COL21A1: variants seen among roughly 807,000 people sequenced by gnomAD.
The protein encoded by COL21A1 is collagen alpha-1(XXI) chain.
COL21A1 carries 149 observed loss-of-function variants against 137.9 expected under a neutral mutation model. The observed-to-expected ratio is 1.08, with a 90% CI of 0.95 to 1.24. The LOEUF is 1.24. COL21A1 is among the 50% of genes most tolerant of loss of function. COL21A1 has a pLI of 0.00. For synonymous variants in COL21A1, 456 were observed against 391.5 expected, an observed-to-expected ratio of 1.16 and a Z score of -1.95; for missense variants, 1,167 against 1,158.4, an observed-to-expected ratio of 1.01 and a Z score of -0.11.
chr6:56,064,378 G>A (rs961690894), intron 24 of COL21A1, among the ~76,000 whole-genome samples, 200 bp downstream of exon 24: 4 of 151,948 alleles, frequency 2.6e-5, no homozygotes, highest in African/African-American at 4.8e-5. Flanking sequence ...TTATCAGTAT[G>A]GGAAAGTGAA....
chr6:56,171,116 G>A lies in COL21A1; in HGVS notation c.653C>T (p.Pro218Leu). The change falls in exon 4 of 30, where the codon CCA (proline) becomes CTA (leucine). Residue 218 changes from proline to leucine, a missense_variant. Pro to Leu is a moderately conservative substitution (Grantham distance 98, BLOSUM62 -3). Coordinates refer to ENST00000244728, the MANE Select transcript of COL21A1 (RefSeq NM_030820.4). ...ACGAGCTGCCACTGGAATTCGTGTT[G>A]GACAGACAGATTCTATAAAGCAAAA... ...KQKLCEESVC[P>L]TRIPVAARDE... 6.3e-7 allele frequency: 1 copy of A among 1,595,386 alleles called. No homozygotes were observed. Among genetic ancestry groups the A allele is most frequent in the Non-Finnish European group, 8.5e-7 (1 of 1,173,222 alleles).
chr6:56,057,905 C>T, intron 29 of COL21A1, 61 bp from the exon 30 acceptor site: 1 of 1,118,334 alleles, frequency 8.9e-7, no homozygotes. Context: ...ATGAAATAGC[C>T]AATTCTGCAA....
intron 16 of COL21A1, among the ~76,000 whole-genome samples, chr6:56,114,575 CTCA>C (rs1298945757): frequency 1.3e-5 from 2 of 152,000 alleles, no homozygotes; most frequent in Admixed American, 6.6e-5. Context: ...TGAAAAAATG[CTCA>C]TCATCACTGG....
chr6:56,135,977 A>C (rs1465503124), intron 12 of COL21A1, among the ~76,000 whole-genome samples: 1 of 152,158 alleles, frequency 6.6e-6, no homozygotes, highest in Non-Finnish European at 1.5e-5. Context: ...TTCTCGGTAC[A>C]ACTACTATTT....
Position 56,343,130 on chromosome 6 carries a change from T to C in COL21A1, c.-39+50841A>G, listed in dbSNP as rs1248464512. On this transcript the variant is annotated intron_variant, in intron 1 of 28. Coordinates refer to the COL21A1 transcript ENST00000370819. ...CATTCCTGGGGACCCATCTGTAAAA[T>C]ACCCCAAGGTTTAGAGGAAAGATTT... Among the ~76,000 whole-genome samples, 3 of 152,144 alleles carry C rather than the reference T, an allele frequency of 2.0e-5. No homozygotes were observed. The East Asian group carries it at 5.8e-4, about 29-fold the overall frequency.
intron 1 of COL21A1, among the ~76,000 whole-genome samples, chr6:56,286,161 A>T (rs1763908189): frequency 6.6e-6 from 1 of 152,234 alleles, no homozygotes; most frequent in Non-Finnish European, 1.5e-5. Flanking sequence ...CAAGGTTTAA[A>T]CAGGGCAAAT....
At chr6:56,194,764 A>G (rs1480460474) in intron 1 of COL21A1, among the ~76,000 whole-genome samples, 1 of 152,190 alleles carries the variant, frequency 6.6e-6, no homozygotes, top group Non-Finnish European at 1.5e-5. Context: ...ATTAAAATGT[A>G]GATACTGATT....
In COL21A1 at chr6:56,147,751, A is replaced by T. The variant is rs1385752364; in HGVS notation, c.1435-5768T>A. On this transcript the variant is annotated intron_variant, in intron 10 of 29. Transcript: ENST00000244728. ...TGACATGTGAGATAAACATGGAATA[A>T]TCTACATACGACTTTCACAGAAGGA... Among the ~76,000 whole-genome samples the T allele has an allele frequency of 2.0e-5, 3 of 152,158 alleles. No homozygotes were observed. In the East Asian group the frequency reaches 5.8e-4, roughly 29 times the overall value.
chr6:56,389,683 C>A (rs2094025344), intron 1 of COL21A1, among the ~76,000 whole-genome samples: 1 of 152,096 alleles, frequency 6.6e-6, no homozygotes, highest in African/African-American at 2.4e-5. Context: ...CTAAAAGCAA[C>A]AACAGAAAAT....
intron 1 of COL21A1, among the ~76,000 whole-genome samples, chr6:56,200,445 T>TCCCTCCC (rs1287541134): frequency 1.0e-4 from 11 of 107,462 alleles, no homozygotes; most frequent in African/African-American, 4.0e-4. Flanking sequence ...CCTAATGCTA[T>TCCCTCCC]CCCTCCCCCC....
At chr6:56,307,868 C>T (rs1423143654) in intron 1 of COL21A1, among the ~76,000 whole-genome samples, 1 of 152,116 alleles carries the variant, frequency 6.6e-6, no homozygotes, top group Admixed American at 6.5e-5. Context: ...TTGGCTCCAC[C>T]CCCTCTTTAA....
intron 1 of COL21A1, among the ~76,000 whole-genome samples, chr6:56,276,240 C>T (rs1012765668): frequency 1.2e-4 from 19 of 152,022 alleles, no homozygotes; most frequent in Non-Finnish European, 2.4e-4. Flanking sequence ...AACATGAGTA[C>T]GGGTTGAAAA....
chr6:56,343,574 T>C (rs922706336), intron 1 of COL21A1, among the ~76,000 whole-genome samples: 14 of 152,214 alleles, frequency 9.2e-5, no homozygotes, highest in Non-Finnish European at 1.9e-4. Context: ...TTTGCTGGGA[T>C]AGAGCTAGAA....
chr6:56,230,225 G>T (rs952767918), intron 1 of COL21A1, among the ~76,000 whole-genome samples: 1 of 151,836 alleles, frequency 6.6e-6, no homozygotes, highest in Non-Finnish European at 1.5e-5. Context: ...GGTTTTTCTA[G>T]TCCAGTGTCC....
chr6:56,280,737 G>A (rs1402089192), intron 1 of COL21A1, among the ~76,000 whole-genome samples: 1 of 152,152 alleles, frequency 6.6e-6, no homozygotes, highest in African/African-American at 2.4e-5. Flanking sequence ...CCCTGGCTGG[G>A]CACAGTGGCT....
intron 1 of COL21A1, among the ~76,000 whole-genome samples, chr6:56,199,332 T>A (rs927098138): frequency 6.6e-6 from 1 of 152,024 alleles, no homozygotes; most frequent in Non-Finnish European, 1.5e-5. Context: ...CATAAATAAT[T>A]CTTAATGGGT....
chr6:56,132,945 T>C (rs570772743), intron 12 of COL21A1, among the ~76,000 whole-genome samples: 78 of 152,320 alleles, frequency 5.1e-4, no homozygotes, highest in Middle Eastern at 3.4e-3. Flanking sequence ...CACATGAAAC[T>C]GTCAGTCCAT....
intron 2 of COL21A1, 31 bp downstream of exon 2, chr6:56,182,500 A>T (rs1467946030): frequency 1.4e-6 from 2 of 1,419,106 alleles, no homozygotes; most frequent in Non-Finnish European, 2.0e-6. Context: ...ATTTGTTGAT[A>T]ACAAAAAAGG....
Position 56,235,377 on chromosome 6 carries a change from A to G in COL21A1, c.-39+12010T>C, listed in dbSNP as rs1052733426. Among the ~76,000 whole-genome samples, 5 of 151,962 alleles carry G rather than the reference A, an allele frequency of 3.3e-5. No homozygotes were observed. The South Asian group carries it at 6.2e-4, about 19-fold the overall frequency. ...TTTGACTGGATCTGAACCCACTCCAATTGGCTGATGTTCTGGCTTTTCTGA... is the reference window on the plus strand; with the variant it reads ...TTTGACTGGATCTGAACCCACTCCAGTTGGCTGATGTTCTGGCTTTTCTGA... On this transcript the variant is annotated intron_variant, in intron 1 of 29. Coordinates refer to ENST00000244728, the MANE Select transcript of COL21A1 (RefSeq NM_030820.4).
Sources: allele counts gnomAD v4.1 joint callset (sites outside exome capture counted in the v4.1 genomes callset), GRCh38; gene constraint gnomAD v4.1.1; transcripts MANE v1.5; gene names NCBI Gene and HGNC (gene_info 2026-07-23, HGNC 2026-07-21).